The following NAALADL2 variants were observed in gnomAD, a reference collection of about 807,000 sequenced individuals.
NAALADL2 encodes inactive N-acetylated-alpha-linked acidic dipeptidase-like protein 2.
A neutral mutation model predicts 87.2 loss-of-function variants in NAALADL2; 76 were observed. That is an observed-to-expected ratio of 0.87 (90% CI 0.72 to 1.05). The LOEUF (loss-of-function observed/expected upper bound fraction) is 1.05. Ranked by LOEUF, NAALADL2 falls within the 50% of genes least tolerant of loss-of-function variation. The pLI, the probability that NAALADL2 is intolerant of heterozygous loss-of-function variation, is 0.00. For synonymous variants in NAALADL2, 354 were observed against 331.0 expected (o/e 1.07, Z -0.75); for missense variants, 1,089 against 945.8 (o/e 1.15, Z -1.99).
At chr3:175,167,535 A>G (rs1272583008) in intron 2 of NAALADL2, among the ~76,000 whole-genome samples, 1 of 152,184 alleles carries the variant, frequency 6.6e-6, no homozygotes, top group Non-Finnish European at 1.5e-5. Flanking sequence ...TAATTTGCAA[A>G]GTCCAGTGAA....
At chr3:175,796,603 T>C (rs1753528734) in intron 13 of NAALADL2, among the ~76,000 whole-genome samples, 1 of 152,220 alleles carries the variant, frequency 6.6e-6, no homozygotes, top group Admixed American at 6.5e-5. Flanking sequence ...ATAAATACAG[T>C]AATCTACTGT....
At chr3:175,159,878 C>T (rs1376366756) in intron 2 of NAALADL2, among the ~76,000 whole-genome samples, 1 of 151,482 alleles carries the variant, frequency 6.6e-6, no homozygotes, top group East Asian at 1.9e-4. Context: ...GCTCTGTTGC[C>T]CAGGCTGGGG....
At chr3:175,774,074 G>A (rs2150187962) in intron 13 of NAALADL2, among the ~76,000 whole-genome samples, 1 of 152,150 alleles carries the variant, frequency 6.6e-6, no homozygotes, top group African/African-American at 2.4e-5. Context: ...ACAGTTAGTA[G>A]TATACTTTGT....
intron 2 of NAALADL2, among the ~76,000 whole-genome samples, chr3:174,598,872 TG>T (rs552536037): frequency 2.7e-4 from 41 of 152,316 alleles, no homozygotes; most frequent in African/African-American, 9.1e-4. Context: ...ATATCTATTA[TG>T]TGTTGAAAAG....
At position 174,918,921 on chromosome 3, in the gene NAALADL2, G is replaced by A. The variant is rs189425917; in HGVS notation, c.43+59471G>A. ...AATTTAATATTGATGTTCAGATCGG[G>A]ACCACTAGAATAAAGCAAATATTAC... On this transcript the variant is annotated intron_variant, in intron 1 of 13. Coordinates refer to ENST00000454872, the MANE Select transcript of NAALADL2 (RefSeq NM_207015.3). Among the ~76,000 whole-genome samples, 326 of 151,024 alleles carry A rather than the reference G, an allele frequency of 2.2e-3. 4 individuals carry two copies. The highest frequency in any genetic ancestry group is 5.0e-3 in the Admixed American group (76 of 15,106).
At chr3:175,493,674 A>C (rs1203899897) in intron 9 of NAALADL2, among the ~76,000 whole-genome samples, 1 of 152,124 alleles carries the variant, frequency 6.6e-6, no homozygotes, top group Non-Finnish European at 1.5e-5. Flanking sequence ...ACCAAACATT[A>C]TTATCTATGT....
chr3:174,633,116 T>C (rs9823393), intron 2 of NAALADL2, among the ~76,000 whole-genome samples: 7,549 of 152,076 alleles, frequency 0.05, 668 homozygotes, highest in African/African-American at 0.17. Flanking sequence ...ACTGAGTTGA[T>C]ACTACCAGTA....
chr3:175,337,918 A>G (rs1465920144), intron 5 of NAALADL2, among the ~76,000 whole-genome samples: 3 of 152,174 alleles, frequency 2.0e-5, no homozygotes, highest in Admixed American at 6.6e-5. Flanking sequence ...ATTCATTTGG[A>G]CAAGTTAGTA....
chr3:174,567,044 C>T (rs1714369916), intron 2 of NAALADL2, among the ~76,000 whole-genome samples: 3 of 151,484 alleles, frequency 2.0e-5, no homozygotes, highest in South Asian at 2.1e-4. Context: ...TACTACTATG[C>T]ACATAATGTC....
intron 8 of NAALADL2, among the ~76,000 whole-genome samples, chr3:175,467,706 C>G (rs887256538): frequency 6.6e-6 from 1 of 152,132 alleles, no homozygotes; most frequent in Non-Finnish European, 1.5e-5. Context: ...TACCTTCTGT[C>G]TCCTACCTGC....
chr3:175,713,273 C>A (rs1388886646), intron 11 of NAALADL2, among the ~76,000 whole-genome samples: 2 of 150,422 alleles, frequency 1.3e-5, no homozygotes, highest in Non-Finnish European at 2.9e-5. Context: ...GCTGACTTTG[C>A]CAGTTTTTAC....
chr3:175,077,196 G>A (rs1313599169), intron 1 of NAALADL2, among the ~76,000 whole-genome samples: 1 of 152,092 alleles, frequency 6.6e-6, no homozygotes, highest in African/African-American at 2.4e-5. Context: ...AGTGTTTTAG[G>A]AAATTTAAAA....
At chr3:175,525,176 GGTTAAT>G (rs1003591635) in intron 9 of NAALADL2, among the ~76,000 whole-genome samples, 1 of 151,942 alleles carries the variant, frequency 6.6e-6, no homozygotes, top group African/African-American at 2.4e-5. Context: ...AGTTTCTTCT[GGTTAAT>G]GTTATCTAAT....
chr3:175,477,430 T>C (rs1725847535), intron 9 of NAALADL2, among the ~76,000 whole-genome samples: 3 of 152,144 alleles, frequency 2.0e-5, no homozygotes, highest in Admixed American at 2.0e-4. Context: ...TTCTTTATTT[T>C]ATAATTGAAA....
chr3:174,780,714 G>A (rs1392978891), intron 3 of NAALADL2, among the ~76,000 whole-genome samples: 1 of 152,036 alleles, frequency 6.6e-6, no homozygotes, highest in African/African-American at 2.4e-5. Flanking sequence ...TTTATCAAAG[G>A]CCTTTTCTGC....
At chr3:174,608,965 A>C (rs886580684) in intron 2 of NAALADL2, among the ~76,000 whole-genome samples, 4 of 151,666 alleles carry the variant, frequency 2.6e-5, no homozygotes, top group African/African-American at 9.7e-5. Flanking sequence ...CTTATCCACC[A>C]TGATCAAGTG....
chr3:175,713,501 G>C (rs1483849811), intron 11 of NAALADL2, among the ~76,000 whole-genome samples: 1 of 152,006 alleles, frequency 6.6e-6, no homozygotes, highest in African/African-American at 2.4e-5. Context: ...TGGGGAATTG[G>C]CTGCTGAAAT....
intron 5 of NAALADL2, among the ~76,000 whole-genome samples, chr3:175,379,700 T>C (rs934276363): frequency 5.9e-5 from 9 of 152,004 alleles, no homozygotes; most frequent in African/African-American, 2.2e-4. Context: ...CCACCACACC[T>C]GGCCCACAGT....
intron 3 of NAALADL2, among the ~76,000 whole-genome samples, chr3:174,771,203 A>G (rs1416173399): frequency 6.6e-6 from 1 of 152,214 alleles, no homozygotes; most frequent in Non-Finnish European, 1.5e-5. Flanking sequence ...GAGGCAAAGC[A>G]TCTGATCTCT....
Sources: gnomAD v4.1 joint callset for allele counts (sites outside exome capture counted in the v4.1 genomes callset) on GRCh38, gnomAD v4.1.1 for gene constraint, MANE v1.5 for transcripts, NCBI Gene and HGNC (gene_info 2026-07-23, HGNC 2026-07-21) for gene names.